G3BP1: variants seen among roughly 807,000 people sequenced by gnomAD.
The protein encoded by G3BP1 is G3BP stress granule assembly factor 1.
G3BP1 carries 35 observed loss-of-function variants against 58.6 expected under a neutral mutation model. That is an observed-to-expected ratio of 0.60 (90% CI 0.46 to 0.79). G3BP1 has a LOEUF of 0.79. G3BP1 is among the 30% of genes least tolerant of loss of function. The probability of loss-of-function intolerance (pLI) is 0.00; values close to 1 mark genes in which losing one functional copy is unlikely to be tolerated. For synonymous variants in G3BP1, 191 were observed against 195.4 expected, an observed-to-expected ratio of 0.98 and a Z score of 0.19; for missense variants, 523 against 580.8, an observed-to-expected ratio of 0.90 and a Z score of 1.02.
chr5:151,802,304 G>A (rs1762868992), intron 11 of G3BP1, among the ~76,000 whole-genome samples: 1 of 152,222 alleles, frequency 6.6e-6, no homozygotes, highest in African/African-American at 2.4e-5. Flanking sequence ...AGTAGGCTTT[G>A]TAGATAAATC....
chr5:151,783,939 A>G (rs1445574426), intron 1 of G3BP1, among the ~76,000 whole-genome samples: 1 of 151,158 alleles, frequency 6.6e-6, no homozygotes, highest in African/African-American at 2.4e-5. Flanking sequence ...ATTTTTGTAT[A>G]TTTAGTAGAA....
chr5:151,792,183 T>C, intron 4 of G3BP1: 1 of 455,644 alleles, frequency 2.2e-6, no homozygotes, highest in Non-Finnish European at 4.4e-6. Context: ...TTCTTCCGGA[T>C]TGGTCTAGAC....
At chr5:151,795,963 A>T (rs1265467600) in intron 6 of G3BP1, among the ~76,000 whole-genome samples, 1 of 152,204 alleles carries the variant, frequency 6.6e-6, no homozygotes, top group East Asian at 1.9e-4. Flanking sequence ...ATAAATACCA[A>T]TATGTGAGTT....
rs934352104 is a variant in G3BP1, at chr5:151,809,456, T to A, written c.*5365T>A. 2 of 152,306 alleles carry A rather than the reference T, an allele frequency of 1.3e-5. No homozygotes were observed. The highest frequency in any genetic ancestry group is 2.9e-5 in the Non-Finnish European group (2 of 68,024). The allele number at this position is 152,306 out of a possible 1,614,324, so 9.4% of individuals were successfully genotyped here. A position where few individuals can be genotyped will look rare whatever the true frequency, so the allele number is the denominator to read the frequency against. ...AAGAAGGATAGGGTGGAAGTAAAAT[T>A]TAGCTGATAGCATAGGGATCATTTG... On this transcript the variant is annotated 3_prime_UTR_variant, in exon 12 of 12. Transcript: ENST00000356245.
At chr5:151,799,544 G>A (rs944153888) in intron 8 of G3BP1, among the ~76,000 whole-genome samples, 2 of 152,104 alleles carry the variant, frequency 1.3e-5, no homozygotes, top group Non-Finnish European at 2.9e-5. Flanking sequence ...AATTAGCTGG[G>A]CCTTGTGGCA....
In G3BP1 at chr5:151,790,946, C is replaced by A; in HGVS notation, c.235C>A (p.His79Asn). Reference sequence around the variant, plus strand: ...CACCAACTGCCACACCAAGATTCGCCATGTTGATGCTCATGCCACGCTAAA... The same window carrying A: ...CACCAACTGCCACACCAAGATTCGCAATGTTGATGCTCATGCCACGCTAAA... ...NFTNCHTKIRHVDAHATLNDG... is the reference protein window; with the variant it reads ...NFTNCHTKIRNVDAHATLNDG... The change falls in exon 4 of 12, where the codon CAT (histidine) becomes AAT (asparagine). Residue 79 changes from histidine (H) to asparagine (N), a missense_variant. Around this residue, in one of 2 missense-constraint regions of G3BP1, gnomAD observed 398 missense variants for 399.1 expected, o/e 1.00. Coordinates refer to ENST00000356245, the MANE Select transcript of G3BP1 (RefSeq NM_005754.3). The A allele has an allele frequency of 6.2e-7, 1 of 1,610,980 alleles. No homozygotes were observed. The highest frequency in any genetic ancestry group is 8.5e-7 in the Non-Finnish European group (1 of 1,178,318).
At position 151,806,296 on chromosome 5, in the gene G3BP1, C is replaced by CT. The variant is rs1762938186; in HGVS notation, c.*2206dup. The CT allele has an allele frequency of 6.6e-6, 1 of 152,184 alleles. No individual in the cohort carries two copies. The highest frequency in any genetic ancestry group is 2.4e-5 in the African/African-American group (1 of 41,446). 9.4% of individuals were successfully genotyped at this position (152,184 alleles called of 1,614,324 possible). A position where few individuals can be genotyped will look rare whatever the true frequency, so the allele number is the denominator to read the frequency against. ...TTCAAGAATTGCAGTAACATCTACTCTAAGGAATTAGTAATTTCACTTTTT... is the reference window on the plus strand; with the variant it reads ...TTCAAGAATTGCAGTAACATCTACTCTTAAGGAATTAGTAATTTCACTTTTT... On this transcript the variant is annotated 3_prime_UTR_variant, in exon 12 of 12. Coordinates refer to ENST00000356245, the MANE Select transcript of G3BP1 (RefSeq NM_005754.3).
rs1309351166 is a variant in G3BP1, at chr5:151,807,800, CT to C, written c.*3714del. On this transcript the variant is annotated 3_prime_UTR_variant, in exon 12 of 12. Transcript: ENST00000356245. ...GGCCATTTTAGAACTTACAGGTAAC[CT>C]TTTTGAAGAGCTTAGATTTGTAGAC... The C allele has an allele frequency of 6.6e-6, 1 of 152,094 alleles. No individual in the cohort carries two copies. The highest frequency in any genetic ancestry group is 1.5e-5 in the Non-Finnish European group (1 of 68,010). 9.4% of individuals were successfully genotyped at this position (152,094 alleles called of 1,614,324 possible). A position where few individuals can be genotyped will look rare whatever the true frequency, so the allele number is the denominator to read the frequency against.
chr5:151,800,686 G>A, intron 10 of G3BP1, 74 bp from the exon 11 acceptor site: 1 of 902,334 alleles, frequency 1.1e-6, no homozygotes, highest in Non-Finnish European at 1.9e-6. Context: ...AGTGGCTACT[G>A]TATTGGACTG....
chr5:151,799,904 A>G lies in G3BP1; in HGVS notation c.859A>G (p.Lys287Glu), dbSNP rs1355103221. Residue 287 changes from lysine to glutamate, a missense_variant, in exon 9 of 12, where the codon AAG becomes GAG. By Grantham distance (56) the Lys-to-Glu change is moderately conservative. Transcript: ENST00000356245. ...AATTTTTCAGCCCCGTCCAGAGTCT[A>G]AGCCTGAATCTCAGATTCCACCACA... ...VPASQPRPES[K>E]PESQIPPQRP... The G allele has an allele frequency of 6.2e-7, 1 of 1,609,306 alleles. No homozygotes were observed. Among genetic ancestry groups the G allele is most frequent in the African/African-American group, 1.3e-5 (1 of 74,810 alleles).
At chr5:151,786,082 A>G (rs1290098700) in intron 1 of G3BP1, among the ~76,000 whole-genome samples, 5 of 152,216 alleles carry the variant, frequency 3.3e-5, no homozygotes, top group African/African-American at 4.8e-5. Context: ...TCATGAGGTC[A>G]GGAGTTTGAG....
At chr5:151,779,611 A>G (rs1444342510) in intron 1 of G3BP1, among the ~76,000 whole-genome samples, 2 of 152,218 alleles carry the variant, frequency 1.3e-5, no homozygotes, top group Non-Finnish European at 2.9e-5. Context: ...CACACAGTAC[A>G]TATTTGGCAA....
chr5:151,782,151 T>G (rs1331805296), intron 1 of G3BP1, among the ~76,000 whole-genome samples: 2 of 152,212 alleles, frequency 1.3e-5, no homozygotes, highest in African/African-American at 4.8e-5. Context: ...CTAACATTTA[T>G]TTCCTGCTTA....
intron 6 of G3BP1, among the ~76,000 whole-genome samples, chr5:151,796,526 G>A (rs971466139): frequency 1.3e-5 from 2 of 152,120 alleles, no homozygotes; most frequent in Non-Finnish European, 2.9e-5. Context: ...CCTTGGCCTC[G>A]CAAAGTGCTG....
rs1229426041 is a variant in G3BP1, at chr5:151,812,092, TGCTGA to T, written c.*8005_*8009del. ...AACCTCTTCCATCATAGCACTATGT[TGCTGA>T]GCTAATTCATGCTGCCCAGCTAAGC... On this transcript the variant is annotated 3_prime_UTR_variant, in exon 12 of 12. Coordinates refer to ENST00000356245, the MANE Select transcript of G3BP1 (RefSeq NM_005754.3). 6 of 152,226 alleles carry T rather than the reference TGCTGA, an allele frequency of 3.9e-5. No individual in the cohort carries two copies. The highest frequency in any genetic ancestry group is 7.3e-5 in the Non-Finnish European group (5 of 68,046). The allele number at this position is 152,226 out of a possible 1,614,324, so 9.4% of individuals were successfully genotyped here. A position where few individuals can be genotyped will look rare whatever the true frequency, so the allele number is the denominator to read the frequency against.
chr5:151,805,040 T>C lies in G3BP1; in HGVS notation c.*949T>C, dbSNP rs551648836. ...TGTTAACATATTTGTTATGCCTTAT[T>C]CTAAAATTGAGTCTCAAACTGGAAT... On this transcript the variant is annotated 3_prime_UTR_variant, in exon 12 of 12. Coordinates refer to ENST00000356245, the MANE Select transcript of G3BP1 (RefSeq NM_005754.3). 7 of 152,708 alleles carry C rather than the reference T, an allele frequency of 4.6e-5. No homozygotes were observed. Among genetic ancestry groups the C allele is most frequent in the Admixed American group, 4.6e-4 (7 of 15,308 alleles). The allele number at this position is 152,708 out of a possible 1,614,324, so 9.5% of individuals were successfully genotyped here. A position where few individuals can be genotyped will look rare whatever the true frequency, so the allele number is the denominator to read the frequency against.
chr5:151,800,689 T>C (rs573639517), intron 10 of G3BP1, 71 bp from the exon 11 acceptor site: 1 of 928,728 alleles, frequency 1.1e-6, no homozygotes. Flanking sequence ...GGCTACTGTA[T>C]TGGACTGTGT....
chr5:151,791,073 G>A lies in G3BP1; in HGVS notation c.351+11G>A. On this transcript the variant is annotated intron_variant, in intron 4 of 11. Coordinates refer to ENST00000356245, the MANE Select transcript of G3BP1 (RefSeq NM_005754.3). ...GTCCTTGCTCCTGAGGTATGTGTAG[G>A]AATGATTATTTTGTAGTGATCCAAT... 6.2e-7 allele frequency: 1 copy of A among 1,603,488 alleles called. No homozygotes were observed. Among genetic ancestry groups the A allele is most frequent in the Non-Finnish European group, 8.5e-7 (1 of 1,170,488 alleles).
At chr5:151,789,235 G>A (rs1356480841) in intron 2 of G3BP1, among the ~76,000 whole-genome samples, 1 of 152,008 alleles carries the variant, frequency 6.6e-6, no homozygotes, top group East Asian at 1.9e-4. Context: ...TTGAGGTCAG[G>A]AGTTCAAGAC....
Sources: allele counts gnomAD v4.1 joint callset (sites outside exome capture counted in the v4.1 genomes callset), GRCh38; gene constraint gnomAD v4.1.1; regional missense constraint gnomAD v4.1.1; transcripts MANE v1.5; gene names NCBI Gene and HGNC (gene_info 2026-07-23, HGNC 2026-07-21).